Variants in IL1RAPL1 observed in about 807,000 individuals in gnomAD.
IL1RAPL1 encodes the protein interleukin 1 receptor accessory protein like 1.
IL1RAPL1 carries 3 observed loss-of-function variants against 48.4 expected under a neutral mutation model. That is an observed-to-expected ratio of 0.06 (90% confidence interval 0.03 to 0.16). The LOEUF is 0.16. IL1RAPL1 is among the 10% of genes least tolerant of loss of function. IL1RAPL1 has a pLI of 1.00. For missense variants in IL1RAPL1, 349 were observed against 530.6 expected (o/e 0.66, Z 3.36); for synonymous variants, 185 against 187.7 (o/e 0.99, Z 0.12).
intron 1 of IL1RAPL1, among the ~76,000 whole-genome samples, chrX:28,705,578 C>T (rs754722905): frequency 4.5e-5 from 5 of 111,937 alleles, no homozygotes; most frequent in South Asian, 3.7e-4. Context: ...CCATAATAGA[C>T]GTTGTAATAT....
intron 7 of IL1RAPL1, among the ~76,000 whole-genome samples, chrX:29,918,885 G>A (rs1932825064): frequency 8.9e-6 from 1 of 111,812 alleles, no homozygotes. Context: ...ATGCAAGAAC[G>A]TTAATAATAA....
At chrX:29,617,004 A>C (rs1924309773) in intron 5 of IL1RAPL1, among the ~76,000 whole-genome samples, 1 of 111,387 alleles carries the variant, frequency 9.0e-6, no homozygotes, top group African/African-American at 3.3e-5. Context: ...CAACACTAAG[A>C]ACAAGTCCCT....
chrX:28,713,508 T>G (rs988473415), intron 1 of IL1RAPL1, among the ~76,000 whole-genome samples: 19 of 111,643 alleles, frequency 1.7e-4, no homozygotes, highest in African/African-American at 5.8e-4. Flanking sequence ...TTATTTTTGC[T>G]TTGGGAGAAA....
At chrX:29,803,577 A>G (rs112382307) in intron 6 of IL1RAPL1, among the ~76,000 whole-genome samples, 1 of 101,980 alleles carries the variant, frequency 9.8e-6, no homozygotes, top group Non-Finnish European at 2.0e-5. Context: ...ATGTATACAT[A>G]TATGTATCCA....
At position 29,653,247 on chromosome X, in the gene IL1RAPL1, G is replaced by A. The variant is rs763822559; in HGVS notation, c.704-15183G>A. ...AATTTTAGCTATAATATTCACAAAC[G>A]TAGAGAGAATAACATAATGAAACCC... On this transcript the variant is annotated intron_variant, in intron 5 of 10. Transcript: ENST00000378993. Among the ~76,000 whole-genome samples, 10 of 112,100 alleles carry A rather than the reference G, an allele frequency of 8.9e-5. No individual in the cohort carries two copies. The East Asian group carries it at 1.1e-3, about 13-fold the overall frequency.
At chrX:28,766,646 TTTTTTTGTACCCATTAACCA>T (rs1936243233) in intron 1 of IL1RAPL1, among the ~76,000 whole-genome samples, 1 of 110,792 alleles carries the variant, frequency 9.0e-6, no homozygotes, top group African/African-American at 3.3e-5. Context: ...ATTCTTTCTA[TTTTTTTGTACCCATTAACCA>T]TCCTCCTCTC....
intron 5 of IL1RAPL1, among the ~76,000 whole-genome samples, chrX:29,469,790 G>T (rs1466102222): frequency 9.0e-6 from 1 of 111,720 alleles, no homozygotes; most frequent in Non-Finnish European, 1.9e-5. Context: ...AATTTATTTG[G>T]CATTAATCAG....
intron 2 of IL1RAPL1, among the ~76,000 whole-genome samples, chrX:29,158,347 G>T (rs770683553): frequency 6.3e-5 from 7 of 111,750 alleles, no homozygotes; most frequent in African/African-American, 1.9e-4. Context: ...TCTTAGCATA[G>T]AAAATATTCA....
chrX:29,313,829 A>G lies in IL1RAPL1; in HGVS notation c.362+30612A>G, dbSNP rs750786910. 7.1e-5 allele frequency among the ~76,000 whole-genome samples: 8 copies of G among 112,147 alleles called. No homozygotes were observed. The South Asian group carries it at 3.0e-3, about 42-fold the overall frequency. On this transcript the variant is annotated intron_variant, in intron 3 of 10. Coordinates refer to ENST00000378993, the MANE Select transcript of IL1RAPL1 (RefSeq NM_014271.4). ...TTCAAAGGATGAAGTTTATCCATTC[A>G]TATCAAAACCTTCCTTTTTCACATA...
chrX:28,830,264 G>A (rs1921012656), intron 2 of IL1RAPL1, among the ~76,000 whole-genome samples: 1 of 111,590 alleles, frequency 9.0e-6, no homozygotes, highest in Non-Finnish European at 1.9e-5. Context: ...GGTGTGGGAG[G>A]TTTAAATTTT....
At chrX:29,238,597 A>G (rs1234781445) in intron 2 of IL1RAPL1, among the ~76,000 whole-genome samples, 3 of 111,681 alleles carry the variant, frequency 2.7e-5, no homozygotes, top group Non-Finnish European at 5.6e-5. Flanking sequence ...CTCTCATCCA[A>G]CATAACAGCA....
At chrX:28,756,730 T>TTC (rs1219030143) in intron 1 of IL1RAPL1, among the ~76,000 whole-genome samples, 2 of 112,078 alleles carry the variant, frequency 1.8e-5, no homozygotes, top group African/African-American at 6.5e-5. Flanking sequence ...TACATCAAAC[T>TTC]TCTTACTTCC....
At chrX:29,443,231 G>GCT (rs376805298) in intron 5 of IL1RAPL1, among the ~76,000 whole-genome samples, 4,319 of 93,868 alleles carry the variant, frequency 0.046, 170 homozygotes, top group African/African-American at 0.12. Context: ...GCTCTCGCTT[G>GCT]CTCTCTCTCT....
intron 2 of IL1RAPL1, among the ~76,000 whole-genome samples, chrX:28,911,138 A>T (rs1923350031): frequency 1.8e-5 from 2 of 111,979 alleles, no homozygotes; most frequent in South Asian, 7.3e-4. Flanking sequence ...AAATCTCATG[A>T]ATCATTAATA....
chrX:29,750,584 T>C (rs1928434366), intron 6 of IL1RAPL1, among the ~76,000 whole-genome samples: 1 of 111,847 alleles, frequency 8.9e-6, no homozygotes, highest in Admixed American at 9.6e-5. Context: ...CCATATTTCA[T>C]TAGGTCAGTA....
chrX:28,737,087 C>T (rs1297260995), intron 1 of IL1RAPL1, among the ~76,000 whole-genome samples: 2 of 102,885 alleles, frequency 1.9e-5, no homozygotes, highest in Non-Finnish European at 2.0e-5. Flanking sequence ...CTTTTCTTTT[C>T]GTTTTGTTTC....
intron 5 of IL1RAPL1, among the ~76,000 whole-genome samples, chrX:29,475,026 C>T (rs1934958652): frequency 8.9e-6 from 1 of 112,443 alleles, no homozygotes; most frequent in African/African-American, 3.2e-5. Flanking sequence ...CTCTTTTGCT[C>T]ACCTTTGCAT....
chrX:28,830,566 C>A (rs1230251666), intron 2 of IL1RAPL1, among the ~76,000 whole-genome samples: 4 of 111,221 alleles, frequency 3.6e-5, no homozygotes, highest in Admixed American at 9.6e-5. Flanking sequence ...TCCTTTATTT[C>A]TTTAACTATG....
At chrX:29,803,126 CATGT>C (rs1451332358) in intron 6 of IL1RAPL1, among the ~76,000 whole-genome samples, 23 of 89,767 alleles carry the variant, frequency 2.6e-4, no homozygotes, top group African/African-American at 9.4e-4. Context: ...TATGTGTATA[CATGT>C]ATGCATATAT....
Sources: allele counts gnomAD v4.1 joint callset (sites outside exome capture counted in the v4.1 genomes callset), GRCh38; gene constraint gnomAD v4.1.1; transcripts MANE v1.5; gene names NCBI Gene and HGNC (gene_info 2026-07-23, HGNC 2026-07-21).